CPS1: variants seen among roughly 807,000 people sequenced by gnomAD.
The protein encoded by CPS1 is carbamoyl-phosphate synthase 1.
Under a neutral mutation model 174.6 loss-of-function variants are expected in CPS1, and 109 were observed. The ratio of observed to expected loss-of-function variants is 0.62; its 90% CI spans 0.53 to 0.73. The LOEUF is 0.73. Among genes scored for constraint, CPS1 ranks in the 30% least tolerant of loss-of-function variants. The pLI is 0.00. For missense variants in CPS1, 1,689 were observed against 1,821.9 expected (o/e 0.93, Z 1.33); for synonymous variants, 637 against 632.0 (o/e 1.01, Z -0.12).
At position 210,664,514 on chromosome 2, in the gene CPS1, T is replaced by G. The variant is rs182790493; in HGVS notation, c.4002+1317T>G. 1.7e-3 allele frequency among the ~76,000 whole-genome samples: 265 copies of G among 152,066 alleles called. 1 individual carries two copies. The highest frequency in any genetic ancestry group is 5.9e-3 in the African/African-American group (243 of 41,508). ...ACCACCACGCCCGGCTAATTTTGTA[T>G]TTTTAGTAGAGATGGCGTTTCTCCA... On this transcript the variant is annotated intron_variant, in intron 33 of 37. Coordinates refer to ENST00000233072, the MANE Select transcript of CPS1 (RefSeq NM_001875.5).
chr2:210,606,571 A>G (rs1490289983), intron 17 of CPS1, among the ~76,000 whole-genome samples, 160 bp from the exon 18 acceptor site: 4 of 151,900 alleles, frequency 2.6e-5, no homozygotes, highest in Admixed American at 6.6e-5. Context: ...TCAGAGTAAT[A>G]TGGGCAAAAC....
At chr2:210,514,984 G>A (rs1052752970) in intron 1 of CPS1, among the ~76,000 whole-genome samples, 2 of 151,002 alleles carry the variant, frequency 1.3e-5, no homozygotes, top group African/African-American at 2.4e-5. Context: ...TTCTCTTTAT[G>A]TGGTAAATCG....
At chr2:210,650,339 CT>C (rs762086959) in intron 27 of CPS1, 23 bp from the exon 28 acceptor site, 13 of 1,600,782 alleles carry the variant, frequency 8.1e-6, no homozygotes, top group Admixed American at 1.7e-5. Flanking sequence ...ACCTGACCTG[CT>C]TTTTTTCCCC....
rs868006689 is a variant in CPS1 at position 210,512,895 on chromosome 2, T to G, written c.3+35129T>G. The stretch of plus-strand genomic sequence containing the variant: ...ATATATAGAGATATATATATGGAGA[T>G]ATATATATATGGAGATATATATATG... On this transcript the variant is annotated intron_variant, in intron 1 of 38. Transcript: ENST00000430249. Among the ~76,000 whole-genome samples the G allele has an allele frequency of 3.5e-5, 3 of 86,440 alleles. 1 individual carries two copies. The highest frequency in any genetic ancestry group is 1.5e-4 in the African/African-American group (3 of 20,342). 56.7% of individuals were successfully genotyped at this position (86,440 alleles called of 152,430 possible).
chr2:210,587,315 A>G (rs1047898712), intron 6 of CPS1, among the ~76,000 whole-genome samples: 5 of 152,098 alleles, frequency 3.3e-5, no homozygotes, highest in African/African-American at 7.2e-5. Context: ...CTCTCAAAGC[A>G]GGAACCGGTG....
At chr2:210,661,608 A>G (rs1173266807) in intron 32 of CPS1, among the ~76,000 whole-genome samples, 1 of 152,108 alleles carries the variant, frequency 6.6e-6, no homozygotes, top group East Asian at 1.9e-4. Context: ...GGATGCCTTG[A>G]ATTTTATAGT....
chr2:210,560,201 C>A (rs1697053015), intron 1 of CPS1, among the ~76,000 whole-genome samples: 1 of 151,884 alleles, frequency 6.6e-6, no homozygotes, highest in Non-Finnish European at 1.5e-5. Flanking sequence ...GCAGAATAGA[C>A]ACCATAATAA....
intron 33 of CPS1, 65 bp downstream of exon 33, chr2:210,663,262 T>G: frequency 7.0e-7 from 1 of 1,436,704 alleles, no homozygotes; most frequent in Non-Finnish European, 9.8e-7. Context: ...GTTTTATGAT[T>G]TGAATACAGT....
chr2:210,646,884 CT>C (rs1700392809), intron 25 of CPS1, among the ~76,000 whole-genome samples: 1 of 148,396 alleles, frequency 6.7e-6, no homozygotes, highest in African/African-American at 2.6e-5. Flanking sequence ...CTGGTTTACC[CT>C]CACTGCTACA....
chr2:210,566,686 T>C (rs1049336279), intron 1 of CPS1, among the ~76,000 whole-genome samples: 13 of 152,322 alleles, frequency 8.5e-5, no homozygotes, highest in Middle Eastern at 3.4e-3. Flanking sequence ...CAGTTGCTAA[T>C]AGAATGATCT....
At chr2:210,617,458 A>G (rs1301711397) in intron 21 of CPS1, 1 of 152,066 alleles carries the variant, frequency 6.6e-6, no homozygotes, top group Non-Finnish European at 1.5e-5. Context: ...ATCACTTAAA[A>G]TATCTTTGAG....
chr2:210,602,265 G>A lies in CPS1; in HGVS notation c.1771G>A (p.Ala591Thr), dbSNP rs764068384. 1.9e-6 allele frequency: 3 copies of A among 1,612,524 alleles called. No homozygotes were observed. The highest frequency in any genetic ancestry group is 2.5e-6 in the Non-Finnish European group (3 of 1,179,026). The change falls in exon 16 of 38, where the codon GCA (alanine) becomes ACA (threonine). Residue 591 changes from alanine to threonine, a missense_variant. Transcript: ENST00000233072. ...CCCAGTGATGATCCGTTCCGCCTAT[G>A]CACTGGGTGGGTTAGGCTCAGGCAT... is the stretch of plus-strand genomic sequence containing the variant. ...GYPVMIRSAY[A>T]LGGLGSGICP...
intron 1 of CPS1, among the ~76,000 whole-genome samples, chr2:210,492,486 A>G (rs898325053): frequency 6.6e-6 from 1 of 152,196 alleles, no homozygotes; most frequent in African/African-American, 2.4e-5. Context: ...AGAATGAAGT[A>G]TACATAGGTA....
chr2:210,556,635 C>T lies in CPS1; in HGVS notation c.-99C>T, dbSNP rs1489941695. 3.8e-6 allele frequency: 6 copies of T among 1,564,324 alleles called. No individual in the cohort carries two copies. The African/African-American group carries it at 4.1e-5, about 11-fold the overall frequency. On this transcript the variant is annotated 5_prime_UTR_variant, in exon 1 of 38. Coordinates refer to ENST00000233072, the MANE Select transcript of CPS1 (RefSeq NM_001875.5). ...TGCAGTCAGCCTTAAACACTGACTGCACCCCTCCCAGATTTCTTTTACATT... is the reference window on the plus strand; with the variant it reads ...TGCAGTCAGCCTTAAACACTGACTGTACCCCTCCCAGATTTCTTTTACATT...
rs12611805 is a variant in CPS1 at position 210,486,757 on chromosome 2, G to A, written c.3+8991G>A. 5.8e-3 allele frequency among the ~76,000 whole-genome samples: 890 copies of A among 152,256 alleles called. 48 individuals are homozygous for A. The East Asian group carries it at 0.14, about 24-fold the overall frequency. On this transcript the variant is annotated intron_variant, in intron 1 of 38. Transcript: ENST00000430249. ...ACTCTTGACCTCAGGTGATCCGCTCGCCTTGGCTTCCCAAAGTGCCAGGAT... is the reference window on the plus strand; with the variant it reads ...ACTCTTGACCTCAGGTGATCCGCTCACCTTGGCTTCCCAAAGTGCCAGGAT...
chr2:210,635,050 T>A (rs1700002348), intron 21 of CPS1, among the ~76,000 whole-genome samples: 1 of 152,102 alleles, frequency 6.6e-6, no homozygotes. Flanking sequence ...TTCAAGTGAT[T>A]CTCTTGTCTC....
At chr2:210,604,868 AG>A in intron 16 of CPS1, 1 of 524,178 alleles carries the variant, frequency 1.9e-6, no homozygotes, top group East Asian at 3.3e-5. Flanking sequence ...CTGTCATATC[AG>A]CACTTTGAAT....
At chr2:210,477,783 A>G (rs1449303975) in intron 1 of CPS1, 4 of 1,613,298 alleles carry the variant, frequency 2.5e-6, no homozygotes, top group Admixed American at 3.3e-5. Flanking sequence ...CTTAAGCTGG[A>G]TATCTCTCAT....
intron 1 of CPS1, among the ~76,000 whole-genome samples, chr2:210,510,108 A>G (rs1306856130): frequency 6.6e-6 from 1 of 152,142 alleles, no homozygotes; most frequent in Non-Finnish European, 1.5e-5. Flanking sequence ...GAGGCATCAC[A>G]CTACCTGACT....
Sources: allele counts gnomAD v4.1 joint callset (sites outside exome capture counted in the v4.1 genomes callset), GRCh38; gene constraint gnomAD v4.1.1; transcripts MANE v1.5; gene names NCBI Gene and HGNC (gene_info 2026-07-23, HGNC 2026-07-21).